Variants in UBXN8 observed in about 807,000 individuals in gnomAD.
UBXN8 encodes the protein UBX domain protein 8.
In UBXN8, 27 loss-of-function variants were observed where a neutral mutation model predicts 32.1. The ratio of observed to expected loss-of-function variants is 0.84; its 90% CI spans 0.62 to 1.16. UBXN8 has a LOEUF of 1.16. UBXN8 is among the 50% of genes most tolerant of loss of function. The pLI is 0.00. For synonymous variants in UBXN8, 109 were observed against 111.8 expected (o/e 0.98, Z 0.16); for missense variants, 306 against 311.4 (o/e 0.98, Z 0.13).
Position 30,766,299 on chromosome 8 carries a change from C to G in UBXN8, c.718C>G (p.Arg240Gly), listed in dbSNP as rs34990535. The change falls in exon 8 of 8, where the codon CGG becomes GGG. Residue 240 changes from arginine to glycine, a missense_variant. Transcript: ENST00000265616. Reference protein sequence around the residue: ...LYSLSTSFPRRPLAVEGGQSL... With the variant: ...LYSLSTSFPRGPLAVEGGQSL... ...CAGCCTTTCTACTTCCTTTCCCAGA[C>G]GGCCTCTGGCAGTGGAGGGAGGCCA... 6.8e-6 allele frequency: 11 copies of G among 1,613,732 alleles called. No homozygotes were observed. Among genetic ancestry groups the G allele is most frequent in the African/African-American group, 1.3e-5 (1 of 74,926 alleles).
upstream of UBXN8, among the ~76,000 whole-genome samples, chr8:30,741,151 C>T (rs908341387): frequency 6.6e-6 from 1 of 152,052 alleles, no homozygotes; most frequent in Non-Finnish European, 1.5e-5. Context: ...TCTGTAAGGC[C>T]GAGGCTGGCA....
At chr8:30,765,872 G>T (rs922434166) in intron 7 of UBXN8, among the ~76,000 whole-genome samples, 2 of 151,790 alleles carry the variant, frequency 1.3e-5, no homozygotes, top group African/African-American at 4.8e-5. Context: ...GCTGGGCATG[G>T]TAGTGGGCGC....
chr8:30,731,117 T>A (rs112933081), upstream of UBXN8, among the ~76,000 whole-genome samples: 37,773 of 152,026 alleles, frequency 0.25, 5,322 homozygotes, highest in African/African-American at 0.39. Context: ...GAAGAACAAA[T>A]GCCCTCAGCT....
chr8:30,754,499 G>A, intron 3 of UBXN8, 166 bp from the exon 4 acceptor site: 1 of 822,160 alleles, frequency 1.2e-6, no homozygotes, highest in Non-Finnish European at 1.9e-6. Context: ...TTGCTGTCCA[G>A]CTGTCGGCAC....
chr8:30,748,262 A>T (rs1488905247), intron 1 of UBXN8, among the ~76,000 whole-genome samples: 1 of 151,618 alleles, frequency 6.6e-6, no homozygotes, highest in Non-Finnish European at 1.5e-5. Flanking sequence ...AGTAGCTGGG[A>T]CTACAGGCAT....
chr8:30,754,461 G>A lies in UBXN8; in HGVS notation c.283-204G>A, dbSNP rs139783045. Reference sequence around the variant, plus strand: ...ACCTGGTTGATACTGTCATAATCAGGCAGGTCAAAAACAAATGCCTGTCCC... The same window carrying A: ...ACCTGGTTGATACTGTCATAATCAGACAGGTCAAAAACAAATGCCTGTCCC... On this transcript the variant is annotated intron_variant, in intron 3 of 7. Transcript: ENST00000265616. 1.5e-4 allele frequency: 94 copies of A among 643,660 alleles called. No individual in the cohort carries two copies. The East Asian group carries it at 2.9e-3, about 20-fold the overall frequency. 39.9% of individuals were successfully genotyped at this position (643,660 alleles called of 1,614,324 possible). A position where few individuals can be genotyped will look rare whatever the true frequency, so the allele number is the denominator to read the frequency against.
At chr8:30,741,254 C>T (rs1051817614), upstream of UBXN8, among the ~76,000 whole-genome samples, 10 of 152,014 alleles carry the variant, frequency 6.6e-5, no homozygotes, top group African/African-American at 2.4e-4. Flanking sequence ...GGCATGGTGA[C>T]ATGTGCCTGC....
chr8:30,761,000 T>C (rs1805817926), intron 6 of UBXN8, 71 bp downstream of exon 6: 1 of 1,118,530 alleles, frequency 8.9e-7, no homozygotes, highest in Non-Finnish European at 1.3e-6. Context: ...ATTAAATATG[T>C]CTTATCTAAA....
chr8:30,761,220 T>C (rs1805822970), intron 6 of UBXN8, among the ~76,000 whole-genome samples: 1 of 151,906 alleles, frequency 6.6e-6, no homozygotes, highest in Non-Finnish European at 1.5e-5. Context: ...TGAGTACTAT[T>C]TTGCAAGCCT....
At chr8:30,733,626 C>T (rs901240432) in intron 1 of UBXN8, among the ~76,000 whole-genome samples, 9 of 152,138 alleles carry the variant, frequency 5.9e-5, no homozygotes, top group Admixed American at 1.3e-4. Flanking sequence ...TGATCTTGTA[C>T]CTACTTATTC....
chr8:30,757,860 A>AG, intron 5 of UBXN8, among the ~76,000 whole-genome samples: 1 of 136,770 alleles, frequency 7.3e-6, no homozygotes, highest in Non-Finnish European at 1.6e-5. Context: ...ACTCCGTCTC[A>AG]AAAAAAAAAA....
intron 1 of UBXN8, among the ~76,000 whole-genome samples, chr8:30,746,515 A>ATTTTT (rs58215831): frequency 1.6e-5 from 2 of 121,396 alleles, no homozygotes; most frequent in African/African-American, 3.3e-5. Flanking sequence ...CTTAAGCTAG[A>ATTTTT]TTTTTTTTTT....
intron 1 of UBXN8, 169 bp downstream of exon 1, chr8:30,744,446 AC>A: frequency 1.5e-6 from 1 of 664,078 alleles, no homozygotes; most frequent in Non-Finnish European, 2.6e-6. Context: ...ACTTCGAGGA[AC>A]CTTTTCCCTC....
In UBXN8 at chr8:30,766,516, C is replaced by A; in HGVS notation, c.*122C>A. On this transcript the variant is annotated 3_prime_UTR_variant, in exon 8 of 8. Transcript: ENST00000265616. Reference sequence around the variant, plus strand: ...TGAGCTCATGGCAGTAAACTTTGAACATTGATATCCATGGGAATAGGATTA... The same window carrying A: ...TGAGCTCATGGCAGTAAACTTTGAAAATTGATATCCATGGGAATAGGATTA... 2 of 966,184 alleles carry A rather than the reference C, an allele frequency of 2.1e-6. No homozygotes were observed. The highest frequency in any genetic ancestry group is 2.9e-6 in the Non-Finnish European group (2 of 692,426). The allele number at this position is 966,184 out of a possible 1,614,324, so 59.9% of individuals were successfully genotyped here. A position where few individuals can be genotyped will look rare whatever the true frequency, so the allele number is the denominator to read the frequency against.
chr8:30,744,571 A>G (rs1441200295), intron 1 of UBXN8: 5 of 487,462 alleles, frequency 1.0e-5, no homozygotes, highest in African/African-American at 1.9e-5. Flanking sequence ...GGTTGATAAG[A>G]TGAAGGTCTT....
At chr8:30,757,679 T>C (rs1283224625) in intron 5 of UBXN8, among the ~76,000 whole-genome samples, 1 of 151,454 alleles carries the variant, frequency 6.6e-6, no homozygotes, top group Admixed American at 6.6e-5. Context: ...GCTAAGATGG[T>C]AAAACCCCAT....
chr8:30,757,180 T>C (rs1026064814), intron 5 of UBXN8, among the ~76,000 whole-genome samples: 3 of 149,320 alleles, frequency 2.0e-5, no homozygotes, highest in African/African-American at 7.4e-5. Flanking sequence ...AAAGAATAAT[T>C]TTCCCTGTTC....
chr8:30,766,412 C>T lies in UBXN8; in HGVS notation c.*18C>T, dbSNP rs1806009274. On this transcript the variant is annotated 3_prime_UTR_variant, in exon 8 of 8. Transcript: ENST00000265616. ...CCAACTAGGAAAGAAGGGAGAGCTC[C>T]CTGTTTGCATGAAGTCAGTTATGCT... The T allele has an allele frequency of 6.4e-7, 1 of 1,566,204 alleles. No homozygotes were observed. Among genetic ancestry groups the T allele is most frequent in the Non-Finnish European group, 8.7e-7 (1 of 1,153,108 alleles).
intron 1 of UBXN8, among the ~76,000 whole-genome samples, chr8:30,748,435 A>T (rs183041754): frequency 6.6e-6 from 1 of 151,358 alleles, no homozygotes; most frequent in Non-Finnish European, 1.5e-5. Flanking sequence ...GCTGCACTCC[A>T]GCCTGGGCAA....
Sources: allele counts gnomAD v4.1 joint callset (sites outside exome capture counted in the v4.1 genomes callset), GRCh38; gene constraint gnomAD v4.1.1; transcripts MANE v1.5; gene names NCBI Gene and HGNC (gene_info 2026-07-23, HGNC 2026-07-21).